PAIP1: variants seen among roughly 807,000 people sequenced by gnomAD.
PAIP1 encodes poly(A) binding protein interacting protein 1.
In PAIP1, 16 loss-of-function variants were observed where a neutral mutation model predicts 61.3. The ratio of observed to expected loss-of-function variants is 0.26; its 90% confidence interval spans 0.18 to 0.40. The LOEUF (loss-of-function observed/expected upper bound fraction) is 0.40, where lower values mean the gene tolerates loss of function less well. Ranked by LOEUF, PAIP1 falls within the 10% of genes least tolerant of loss-of-function variation. The pLI, the probability that PAIP1 is intolerant of heterozygous loss-of-function variation, is 1.00. For synonymous variants in PAIP1, 187 were observed against 226.2 expected (o/e 0.83, Z 1.56); for missense variants, 416 against 600.9 (o/e 0.69, Z 3.22).
At chr5:43,542,388 C>T (rs190682935) in intron 4 of PAIP1, among the ~76,000 whole-genome samples, 7 of 150,872 alleles carry the variant, frequency 4.6e-5, no homozygotes, top group Non-Finnish European at 7.4e-5. Context: ...AAAAATTAGC[C>T]GGGCATGGTG....
At chr5:43,527,574 A>G in intron 10 of PAIP1, 105 bp from the exon 11 acceptor site, 1 of 875,078 alleles carries the variant, frequency 1.1e-6, no homozygotes, top group Non-Finnish European at 1.7e-6. Flanking sequence ...AGACTGACTT[A>G]TAATAGAACA....
intron 5 of PAIP1, 107 bp from the exon 6 acceptor site, chr5:43,537,051 A>C (rs1326920466): frequency 1.4e-6 from 1 of 708,040 alleles, no homozygotes; most frequent in East Asian, 2.9e-5. Context: ...GCTAAATCAC[A>C]AAAGTCACAG....
chr5:43,555,240 G>A (rs971932485), intron 2 of PAIP1, among the ~76,000 whole-genome samples: 6 of 152,142 alleles, frequency 3.9e-5, no homozygotes, highest in Non-Finnish European at 7.4e-5. Flanking sequence ...ACTATTCTCT[G>A]CTATACTTCA....
intron 4 of PAIP1, 45 bp downstream of exon 4, chr5:43,542,959 G>A: frequency 1.0e-6 from 1 of 983,052 alleles, no homozygotes. Context: ...TCAAATTCTA[G>A]TATATTTAGA....
chr5:43,538,293 G>T (rs1420489007), intron 5 of PAIP1, among the ~76,000 whole-genome samples: 1 of 152,044 alleles, frequency 6.6e-6, no homozygotes, highest in Non-Finnish European at 1.5e-5. Flanking sequence ...ACACCATGAT[G>T]ACTATAGTTA....
At chr5:43,549,010 G>A (rs1412723693) in intron 2 of PAIP1, among the ~76,000 whole-genome samples, 4 of 152,036 alleles carry the variant, frequency 2.6e-5, no homozygotes, top group Non-Finnish European at 5.9e-5. Context: ...GTGCAATCTT[G>A]GCTCACTGCA....
intron 10 of PAIP1, 56 bp downstream of exon 10, chr5:43,529,730 C>G: frequency 6.6e-6 from 6 of 908,616 alleles, no homozygotes; most frequent in Non-Finnish European, 5.6e-6. Context: ...TGTCTAATCT[C>G]CACCTATAAA....
chr5:43,539,107 G>T (rs1014346878), intron 4 of PAIP1, 72 bp from the exon 5 acceptor site: 3 of 991,474 alleles, frequency 3.0e-6, no homozygotes, highest in Non-Finnish European at 4.8e-6. Context: ...ATAACCATTT[G>T]TCAGTTTGGT....
rs550823199 is a variant in PAIP1 at position 43,535,680 on chromosome 5, T to C, written c.973-40A>G. 70 of 1,075,404 alleles carry C rather than the reference T, an allele frequency of 6.5e-5. No individual in the cohort carries two copies. In the South Asian group the frequency reaches 8.9e-4, roughly 14 times the overall value. The allele number at this position is 1,075,404 out of a possible 1,614,324, so 66.6% of individuals were successfully genotyped here. Reference sequence around the variant, plus strand: ...GTCAGTAAAATAAGAAATTCAATAGTGTATTATAGAAATTCTAAAAAGATA... The same window carrying C: ...GTCAGTAAAATAAGAAATTCAATAGCGTATTATAGAAATTCTAAAAAGATA... On this transcript the variant is annotated intron_variant, in intron 6 of 10. Coordinates refer to ENST00000306846, the MANE Select transcript of PAIP1 (RefSeq NM_006451.5).
rs766493987 is a variant in PAIP1, at chr5:43,547,042, C to CAAAAAAAAAAAAAAAAAAAAAAAAA, written c.621+661_621+685dup. ...TGGGAGACAGGGCAAGACTCCATAT[C>CAAAAAAAAAAAAAAAAAAAAAAAAA]AAAAAAAAAAAAAAAAAAAAAAAAA... On this transcript the variant is annotated intron_variant, in intron 3 of 10. Coordinates refer to ENST00000306846, the MANE Select transcript of PAIP1 (RefSeq NM_006451.5). Among the ~76,000 whole-genome samples the CAAAAAAAAAAAAAAAAAAAAAAAAA allele has an allele frequency of 5.6e-5, 2 of 35,664 alleles. 1 individual carries two copies. The highest frequency in any genetic ancestry group is 9.2e-5 in the Non-Finnish European group (2 of 21,698). 23.4% of individuals were successfully genotyped at this position (35,664 alleles called of 152,430 possible).
intron 2 of PAIP1, among the ~76,000 whole-genome samples, chr5:43,555,100 T>C (rs182340893): frequency 4.6e-5 from 7 of 152,344 alleles, no homozygotes; most frequent in Admixed American, 4.6e-4. Flanking sequence ...AACAGTGCTA[T>C]ACTTGGACAT....
At position 43,555,916 on chromosome 5, in the gene PAIP1, G is replaced by C; in HGVS notation, c.349C>G (p.Gln117Glu). Residue 117 changes from glutamine (Q) to glutamate (E), a missense_variant, in exon 2 of 11, where the codon CAG becomes GAG. Physicochemically the swap from Gln to Glu is conservative, Grantham distance 29 (BLOSUM62 2). Transcript: ENST00000306846. ...ATTAATACAGGAGCTACAACCACCT[G>C]GGGCTTAGCCATTGCTGACTCCGAG... ...QNSESAMAKP[Q>E]VVVAPVLMSK... The C allele has an allele frequency of 6.2e-7, 1 of 1,613,858 alleles. No homozygotes were observed. Among genetic ancestry groups the C allele is most frequent in the Middle Eastern group, 1.7e-4 (1 of 6,044 alleles).
At chr5:43,556,475 G>A (rs1217872505) in intron 1 of PAIP1, 107 bp downstream of exon 1, 6 of 1,203,012 alleles carry the variant, frequency 5.0e-6, no homozygotes, top group Non-Finnish European at 6.2e-6. Context: ...TGCTTTCGGG[G>A]AACCGGGGGT....
At chr5:43,528,078 T>TA (rs915655237) in intron 10 of PAIP1, among the ~76,000 whole-genome samples, 2 of 152,170 alleles carry the variant, frequency 1.3e-5, no homozygotes, top group African/African-American at 4.8e-5. Context: ...TTCCCATAGT[T>TA]AAGTATGGCG....
intron 9 of PAIP1, 31 bp from the exon 10 acceptor site, chr5:43,529,910 A>G (rs1746870377): frequency 1.0e-6 from 1 of 993,592 alleles, no homozygotes; most frequent in African/African-American, 1.6e-5. Flanking sequence ...AAAACTAAAT[A>G]CTGAAAAAAT....
intron 3 of PAIP1, 72 bp downstream of exon 3, chr5:43,547,656 C>T: frequency 2.2e-6 from 2 of 928,100 alleles, no homozygotes; most frequent in South Asian, 3.3e-5. Context: ...TGGTCTCCCT[C>T]AAGGAGTAGC....
intron 9 of PAIP1, among the ~76,000 whole-genome samples, chr5:43,530,753 A>C (rs1057096863): frequency 1.3e-5 from 2 of 152,214 alleles, no homozygotes; most frequent in Non-Finnish European, 2.9e-5. Context: ...GTTCACAAAA[A>C]AGAAAATCCA....
At chr5:43,552,698 C>CTT (rs1017314601) in intron 2 of PAIP1, among the ~76,000 whole-genome samples, 50 of 152,150 alleles carry the variant, frequency 3.3e-4, no homozygotes, top group African/African-American at 1.2e-3. Flanking sequence ...GGAGATTATA[C>CTT]TCAGAGAGAA....
At chr5:43,543,310 C>CAAAAAAAAAA (rs11427976) in intron 3 of PAIP1, among the ~76,000 whole-genome samples, 194 bp from the exon 4 acceptor site, 56 of 95,768 alleles carry the variant, frequency 5.8e-4, no homozygotes, top group East Asian at 9.4e-4. Context: ...ACAATAAGTA[C>CAAAAAAAAAA]AAAAAAAAAA....
Sources: gnomAD v4.1 joint callset for allele counts (sites outside exome capture counted in the v4.1 genomes callset) on GRCh38, gnomAD v4.1.1 for gene constraint, MANE v1.5 for transcripts, NCBI Gene and HGNC (gene_info 2026-07-23, HGNC 2026-07-21) for gene names.